Variants in ERO1B observed in about 807,000 individuals in gnomAD.
ERO1B encodes the protein endoplasmic reticulum oxidoreductase 1 beta.
Under a neutral mutation model 75.3 loss-of-function variants are expected in ERO1B, and 49 were observed. That is an observed-to-expected ratio of 0.65 (90% CI 0.52 to 0.83). The LOEUF is 0.83. Ranked by LOEUF, ERO1B falls within the 40% of genes least tolerant of loss-of-function variation. The pLI is 0.00. For missense variants in ERO1B, 512 were observed against 560.1 expected, an observed-to-expected ratio of 0.91 and a Z score of 0.87; for synonymous variants, 191 against 192.9, an observed-to-expected ratio of 0.99 and a Z score of 0.08.
intron 2 of ERO1B, among the ~76,000 whole-genome samples, chr1:236,254,515 T>G (rs1665114077): frequency 6.6e-6 from 1 of 152,200 alleles, no homozygotes; most frequent in Admixed American, 6.5e-5. Flanking sequence ...CTCCATAACC[T>G]GGCCTCTGGC....
rs1390192514 is a variant in ERO1B at position 236,218,230 on chromosome 1, C to CCAATAGAATA, written c.*285_*286insTATTCTATTG. The CCAATAGAATA allele has an allele frequency of 1.2e-5, 2 of 172,576 alleles. No individual in the cohort carries two copies. The highest frequency in any genetic ancestry group is 4.8e-5 in the African/African-American group (2 of 42,074). The allele number at this position is 172,576 out of a possible 1,614,324, so 10.7% of individuals were successfully genotyped here. On this transcript the variant is annotated 3_prime_UTR_variant, in exon 16 of 16. Coordinates refer to ENST00000354619, the MANE Select transcript of ERO1B (RefSeq NM_019891.4). Reference sequence around the variant, plus strand: ...GAAATAAAGGATAATAGAATAAAAACAAAACCAATTCTAAAAAAAATAGAA... The same window carrying CCAATAGAATA: ...GAAATAAAGGATAATAGAATAAAAACCAATAGAATAAAAACCAATTCTAAAAAAAATAGAA...
chr1:236,237,058 T>C (rs1040102061), intron 6 of ERO1B, among the ~76,000 whole-genome samples: 1 of 151,184 alleles, frequency 6.6e-6, no homozygotes, highest in Non-Finnish European at 1.5e-5. Flanking sequence ...TAAAACTAAA[T>C]AACCATTTTC....
chr1:236,238,683 CAATAT>C (rs1377387593), intron 6 of ERO1B, among the ~76,000 whole-genome samples: 7 of 151,644 alleles, frequency 4.6e-5, no homozygotes, highest in South Asian at 2.1e-4. Context: ...ATAAGCTTCA[CAATAT>C]AACATTAATT....
intron 1 of ERO1B, among the ~76,000 whole-genome samples, chr1:236,274,227 G>A (rs1369844597): frequency 6.6e-6 from 1 of 151,950 alleles, no homozygotes; most frequent in South Asian, 2.1e-4. Context: ...CCAGTGATCC[G>A]CCTGCCTCAG....
At position 236,226,299 on chromosome 1, in the gene ERO1B, G is replaced by C. The variant is rs761066923; in HGVS notation, c.1022C>G (p.Thr341Ser). 2 of 1,613,928 alleles carry C rather than the reference G, an allele frequency of 1.2e-6. No individual in the cohort carries two copies. The highest frequency in any genetic ancestry group is 8.5e-7 in the Non-Finnish European group (1 of 1,179,882). ...GNAEEDADTK[T>S]LLLNIFQDTK... is the part of the protein sequence containing the mutation. ...ATCTTGAAAGATATTCAGTAGAAGA[G>C]TTTTTGTGTCAGCATCTTCTTCTGC... is the stretch of plus-strand genomic sequence containing the variant. Residue 341 changes from threonine to serine, a missense_variant, in exon 12 of 16, where the codon ACT becomes AGT. Transcript: ENST00000354619.
At chr1:236,239,799 ATATATATGTGTG>A (rs1664638129) in intron 6 of ERO1B, among the ~76,000 whole-genome samples, 5 of 120,016 alleles carry the variant, frequency 4.2e-5, no homozygotes, top group African/African-American at 1.2e-4. Flanking sequence ...GTATATATAT[ATATATATGTGTG>A]TATATATATA....
At chr1:236,254,826 T>G (rs1665121650) in intron 2 of ERO1B, among the ~76,000 whole-genome samples, 1 of 152,222 alleles carries the variant, frequency 6.6e-6, no homozygotes, top group African/African-American at 2.4e-5. Context: ...TTGGCCAGGC[T>G]GGTTTCGAAC....
intron 6 of ERO1B, among the ~76,000 whole-genome samples, chr1:236,241,935 G>A (rs1197179703): frequency 6.6e-6 from 1 of 151,872 alleles, no homozygotes; most frequent in Non-Finnish European, 1.5e-5. Flanking sequence ...GGGCGTGGTG[G>A]TGGGCACCTG....
chr1:236,264,106 C>T (rs1665362671), intron 2 of ERO1B, among the ~76,000 whole-genome samples: 1 of 152,016 alleles, frequency 6.6e-6, no homozygotes, highest in South Asian at 2.1e-4. Context: ...CATATAACTA[C>T]ATTTTCTTAT....
chr1:236,269,051 A>G (rs180734863), intron 2 of ERO1B, among the ~76,000 whole-genome samples: 85 of 152,180 alleles, frequency 5.6e-4, no homozygotes, highest in African/African-American at 2.0e-3. Context: ...CCTGGCCAAT[A>G]TGGCAAAACC....
chr1:236,235,696 T>C, intron 8 of ERO1B, 93 bp downstream of exon 8: 1 of 1,118,754 alleles, frequency 8.9e-7, no homozygotes, highest in East Asian at 2.5e-5. Context: ...TTAAACAAAA[T>C]ATAAAAATGA....
At chr1:236,235,654 A>C (rs1664521420) in intron 8 of ERO1B, 135 bp downstream of exon 8, 1 of 743,162 alleles carries the variant, frequency 1.3e-6, no homozygotes, top group African/African-American at 1.8e-5. Flanking sequence ...TCGACTATGA[A>C]CTAATCTTAC....
chr1:236,271,587 T>G (rs1008851399), intron 1 of ERO1B, among the ~76,000 whole-genome samples: 2 of 152,082 alleles, frequency 1.3e-5, no homozygotes, highest in Non-Finnish European at 2.9e-5. Context: ...CTTCAAATCA[T>G]AGCCCCTAAA....
chr1:236,225,404 A>C (rs1426295345), intron 12 of ERO1B, among the ~76,000 whole-genome samples: 1 of 152,232 alleles, frequency 6.6e-6, no homozygotes, highest in Admixed American at 6.5e-5. Flanking sequence ...AATTAACTGA[A>C]AACAATCTAT....
At chr1:236,259,725 G>A (rs2102960556) in intron 2 of ERO1B, among the ~76,000 whole-genome samples, 1 of 151,958 alleles carries the variant, frequency 6.6e-6, no homozygotes, top group African/African-American at 2.4e-5. Context: ...TTCTGAAAAG[G>A]TAAATATATA....
chr1:236,232,638 T>C (rs1664434812), intron 9 of ERO1B, among the ~76,000 whole-genome samples, 190 bp downstream of exon 9: 1 of 150,326 alleles, frequency 6.7e-6, no homozygotes, highest in Admixed American at 6.6e-5. Flanking sequence ...AAAATGGTCT[T>C]TTTTTTTTAA....
At chr1:236,228,560 A>C (rs1664329589) in intron 10 of ERO1B, among the ~76,000 whole-genome samples, 1 of 152,266 alleles carries the variant, frequency 6.6e-6, no homozygotes, top group Non-Finnish European at 1.5e-5. Flanking sequence ...CAATTCAATT[A>C]CACAATTTAG....
At chr1:236,279,672 A>AG (rs1416227942) in intron 1 of ERO1B, among the ~76,000 whole-genome samples, 1 of 77,654 alleles carries the variant, frequency 1.3e-5, no homozygotes, top group Admixed American at 1.5e-4. Context: ...ACTGGGAAAA[A>AG]AAAAAAAAAC....
intron 15 of ERO1B, chr1:236,220,133 T>C (rs1194763080): frequency 6.7e-6 from 1 of 149,170 alleles, no homozygotes; most frequent in African/African-American, 2.5e-5. Flanking sequence ...AACCAAGAAA[T>C]AATCTTTGTA....
Sources: gnomAD v4.1 joint callset for allele counts (sites outside exome capture counted in the v4.1 genomes callset) on GRCh38, gnomAD v4.1.1 for gene constraint, MANE v1.5 for transcripts, NCBI Gene and HGNC (gene_info 2026-07-23, HGNC 2026-07-21) for gene names.